Variants in KDM4C observed in about 807,000 individuals in gnomAD.
The protein encoded by KDM4C is lysine demethylase 4C.
A neutral mutation model predicts 129.3 loss-of-function variants in KDM4C; 81 were observed. The ratio of observed to expected loss-of-function variants is 0.63; its 90% CI spans 0.52 to 0.75. The LOEUF (loss-of-function observed/expected upper bound fraction) is 0.75, where lower values mean the gene tolerates loss of function less well. KDM4C is among the 30% of genes least tolerant of loss of function. KDM4C has a pLI of 0.00. For missense variants in KDM4C, 1,457 were observed against 1,304.0 expected (o/e 1.12, Z -1.81); for synonymous variants, 573 against 456.1 (o/e 1.26, Z -3.26).
chr9:7,174,429 TTTAGCCTGAGCTGGTGAC>T, intron 21 of KDM4C, 106 bp from the exon 22 acceptor site: 1 of 841,876 alleles, frequency 1.2e-6, no homozygotes. Context: ...CTGGGGCCCT[TTTAGCCTGAGCTGGTGAC>T]CTGGGCATCT....
chr9:7,078,442 C>A (rs1342395917), intron 17 of KDM4C, among the ~76,000 whole-genome samples: 2 of 147,214 alleles, frequency 1.4e-5, no homozygotes, highest in African/African-American at 5.0e-5. Flanking sequence ...TTTTCTTTTT[C>A]TTTCTTTAAA....
intron 12 of KDM4C, among the ~76,000 whole-genome samples, chr9:6,991,258 AT>A (rs1491360065): frequency 6.6e-6 from 1 of 150,494 alleles, no homozygotes; most frequent in African/African-American, 2.5e-5. Flanking sequence ...TAAAAAAAAA[AT>A]TTTTTTTTGT....
At chr9:7,062,727 C>T (rs898940940) in intron 17 of KDM4C, among the ~76,000 whole-genome samples, 1 of 151,924 alleles carries the variant, frequency 6.6e-6, no homozygotes, top group African/African-American at 2.4e-5. Flanking sequence ...GAATTATTCC[C>T]TTTACTGTTT....
intron 2 of KDM4C, 104 bp downstream of exon 2, chr9:6,793,236 C>CA: frequency 8.0e-7 from 1 of 1,245,934 alleles, no homozygotes; most frequent in Non-Finnish European, 1.1e-6. Flanking sequence ...AAGAAATTTG[C>CA]AAAATCTTTG....
intron 8 of KDM4C, chr9:6,941,897 C>T (rs959185690): frequency 1.3e-5 from 2 of 151,946 alleles, no homozygotes; most frequent in Non-Finnish European, 2.9e-5. Context: ...GTGTTTGTAT[C>T]CTGTGGTGCC....
intron 8 of KDM4C, among the ~76,000 whole-genome samples, chr9:6,972,361 T>C (rs183789507): frequency 1.2e-4 from 18 of 152,236 alleles, no homozygotes; most frequent in East Asian, 7.7e-4. Flanking sequence ...TGCATTTCCA[T>C]ATGATTATAT....
intron 4 of KDM4C, among the ~76,000 whole-genome samples, chr9:6,840,285 C>T (rs1486136677): frequency 6.6e-6 from 1 of 152,010 alleles, no homozygotes; most frequent in Non-Finnish European, 1.5e-5. Context: ...GTTGTCCTGG[C>T]TAGTCTTGAA....
At chr9:6,784,348 C>T (rs953403332) in intron 1 of KDM4C, among the ~76,000 whole-genome samples, 4 of 152,148 alleles carry the variant, frequency 2.6e-5, no homozygotes, top group African/African-American at 7.2e-5. Flanking sequence ...CCTGCCTCAG[C>T]CTCCCAAGTA....
chr9:7,170,909 A>T, intron 21 of KDM4C: 1 of 145,700 alleles, frequency 6.9e-6, no homozygotes. Context: ...ACAATAGCTG[A>T]TGAGCTACTA....
chr9:6,936,600 G>C (rs1824836649), intron 8 of KDM4C, among the ~76,000 whole-genome samples: 1 of 152,108 alleles, frequency 6.6e-6, no homozygotes, highest in Non-Finnish European at 1.5e-5. Flanking sequence ...TCCTGGTTTA[G>C]GTTGAACGCC....
intron 15 of KDM4C, among the ~76,000 whole-genome samples, chr9:7,021,221 G>C (rs902784417): frequency 1.3e-5 from 2 of 150,560 alleles, no homozygotes; most frequent in Non-Finnish European, 2.9e-5. Flanking sequence ...GCACAATCTC[G>C]GCTCACTGCA....
intron 11 of KDM4C, among the ~76,000 whole-genome samples, chr9:6,988,240 A>G (rs889860259): frequency 1.3e-5 from 2 of 151,638 alleles, no homozygotes; most frequent in African/African-American, 4.8e-5. Flanking sequence ...CCAAGCAGAT[A>G]TTCATTCTTT....
chr9:6,789,982 A>G (rs1182063575), intron 1 of KDM4C, among the ~76,000 whole-genome samples: 3 of 151,636 alleles, frequency 2.0e-5, no homozygotes, highest in Non-Finnish European at 4.4e-5. Context: ...ATGCTCATTT[A>G]AACTTTCTAG....
chr9:6,860,195 G>C (rs1044764575), intron 5 of KDM4C, among the ~76,000 whole-genome samples: 1 of 152,010 alleles, frequency 6.6e-6, no homozygotes, highest in East Asian at 1.9e-4. Flanking sequence ...AGGTGATGGG[G>C]ATGGGGGGGC....
intron 17 of KDM4C, among the ~76,000 whole-genome samples, chr9:7,049,915 A>G (rs983166218): frequency 9.2e-5 from 14 of 152,122 alleles, no homozygotes; most frequent in Admixed American, 1.3e-4. Context: ...ACCTTAATGT[A>G]TTGGAGCACG....
intron 15 of KDM4C, among the ~76,000 whole-genome samples, chr9:7,034,536 C>A (rs1827310980): frequency 6.6e-6 from 1 of 152,200 alleles, no homozygotes; most frequent in Non-Finnish European, 1.5e-5. Context: ...AGATTTCATT[C>A]CATGGTGTAT....
chr9:7,015,958 C>G (rs752147472), intron 15 of KDM4C, 29 bp downstream of exon 15: 1 of 1,508,046 alleles, frequency 6.6e-7, no homozygotes, highest in Non-Finnish European at 9.2e-7. Flanking sequence ...TATTGCTTAA[C>G]CTTTCTTCCC....
At position 7,090,993 on chromosome 9, in the gene KDM4C, G is replaced by T. The variant is rs187674925; in HGVS notation, c.2425-12692G>T. On this transcript the variant is annotated intron_variant, in intron 17 of 21. Transcript: ENST00000381309. ...AAACTATTAATACTAGTGGAGCATG[G>T]ATGCATTTTATGGGCAGGTGGGCCA... Among the ~76,000 whole-genome samples, 481 of 152,302 alleles carry T rather than the reference G, an allele frequency of 3.2e-3. 3 individuals are homozygous for T. Among genetic ancestry groups the T allele is most frequent in the African/African-American group, 0.011 (463 of 41,558 alleles).
At chr9:6,824,676 T>C (rs1033506835) in intron 4 of KDM4C, among the ~76,000 whole-genome samples, 9 of 151,508 alleles carry the variant, frequency 5.9e-5, no homozygotes, top group East Asian at 3.9e-4. Context: ...TTAAAAAATA[T>C]TTAATTCATT....
Sources: gnomAD v4.1 joint callset for allele counts (sites outside exome capture counted in the v4.1 genomes callset) on GRCh38, gnomAD v4.1.1 for gene constraint, MANE v1.5 for transcripts, NCBI Gene and HGNC (gene_info 2026-07-23, HGNC 2026-07-21) for gene names.